Variants in MAP2K5 observed in about 807,000 individuals in gnomAD.
The protein encoded by MAP2K5 is dual specificity mitogen-activated protein kinase kinase 5.
Under a neutral mutation model 83.1 loss-of-function variants are expected in MAP2K5, and 49 were observed. That is an observed-to-expected ratio of 0.59 (90% CI 0.47 to 0.75). The LOEUF (loss-of-function observed/expected upper bound fraction) is 0.75. Ranked by LOEUF, MAP2K5 falls within the 30% of genes least tolerant of loss-of-function variation. The pLI is 0.00. For synonymous variants in MAP2K5, 202 were observed against 191.8 expected (o/e 1.05, Z -0.44); for missense variants, 457 against 557.5 (o/e 0.82, Z 1.82).
intron 17 of MAP2K5, among the ~76,000 whole-genome samples, chr15:67,728,684 C>CAA (rs754231716): frequency 6.6e-6 from 1 of 152,166 alleles, no homozygotes; most frequent in African/African-American, 2.4e-5. Flanking sequence ...CTGTACAGGC[C>CAA]AAAGTGCCTA....
chr15:67,655,525 T>C (rs564024984), intron 11 of MAP2K5, among the ~76,000 whole-genome samples: 3 of 5,152 alleles, frequency 5.8e-4, no homozygotes, highest in East Asian at 0.5. Context: ...TTTTCTTTCA[T>C]GTTCAAATGT....
intron 8 of MAP2K5, among the ~76,000 whole-genome samples, chr15:67,607,560 G>T (rs1414544201): frequency 6.6e-6 from 1 of 152,148 alleles, no homozygotes; most frequent in Admixed American, 6.5e-5. Flanking sequence ...GTCACAGGTC[G>T]CTGAGCAGAG....
chr15:67,590,577 C>T (rs1442375699), intron 6 of MAP2K5, among the ~76,000 whole-genome samples: 4 of 151,870 alleles, frequency 2.6e-5, no homozygotes, highest in African/African-American at 4.8e-5. Context: ...TCAAGTGACC[C>T]GAGTAGCTAG....
chr15:67,648,808 T>C (rs901281874), intron 11 of MAP2K5, among the ~76,000 whole-genome samples: 7 of 152,204 alleles, frequency 4.6e-5, no homozygotes, highest in African/African-American at 1.7e-4. Flanking sequence ...CTCGATCTCC[T>C]GACCTCGTGA....
At chr15:67,612,442 A>G (rs2085947132) in intron 8 of MAP2K5, among the ~76,000 whole-genome samples, 1 of 152,306 alleles carries the variant, frequency 6.6e-6, no homozygotes, top group South Asian at 2.1e-4. Context: ...TTTAAAGTCC[A>G]AATACTTTCC....
chr15:67,577,171 A>G lies in MAP2K5; in HGVS notation c.253-3583A>G, dbSNP rs1446972697. On this transcript the variant is annotated intron_variant, in intron 3 of 21. Coordinates refer to ENST00000178640, the MANE Select transcript of MAP2K5 (RefSeq NM_145160.3). This position sits in a 1 kb window ranked among gnomAD's most constrained non-coding sequence, Gnocchi z 4.1. ...GGGATGGTCTCGATCTCCTGACCTC[A>G]TGATCCACCCGCCTCGGCCTCCCAA... Among the ~76,000 whole-genome samples, 1 of 151,764 alleles carries G rather than the reference A, an allele frequency of 6.6e-6. No individual in the cohort carries two copies. The highest frequency in any genetic ancestry group is 1.5e-5 in the Non-Finnish European group (1 of 67,938).
chr15:67,604,767 C>T (rs1009587087), intron 8 of MAP2K5, among the ~76,000 whole-genome samples: 2 of 151,740 alleles, frequency 1.3e-5, no homozygotes, highest in Non-Finnish European at 2.9e-5. Context: ...TGGTGGTGGG[C>T]GCCTGTAGTC....
chr15:67,590,442 C>CTCTCTCTCTCTCTCTCTCTCTCTCT (rs2085377738), intron 6 of MAP2K5, among the ~76,000 whole-genome samples: 1 of 5,824 alleles, frequency 1.7e-4, no homozygotes, highest in African/African-American at 3.8e-4. Context: ...TCTCTCCCTC[C>CTCTCTCTCTCTCTCTCTCTCTCTCT]CTCCCTCTCT....
chr15:67,687,307 A>G (rs2087982652), intron 13 of MAP2K5, among the ~76,000 whole-genome samples: 1 of 152,174 alleles, frequency 6.6e-6, no homozygotes, highest in Non-Finnish European at 1.5e-5. Flanking sequence ...AAAAAGCTGT[A>G]TTTTTTAAAT....
At chr15:67,752,929 T>G (rs2089755262) in intron 19 of MAP2K5, among the ~76,000 whole-genome samples, 1 of 150,568 alleles carries the variant, frequency 6.6e-6, no homozygotes. Context: ...TGTTGCAAGA[T>G]TTATACTTTC....
At chr15:67,798,260 CA>C (rs982627109) in intron 21 of MAP2K5, among the ~76,000 whole-genome samples, 1 of 152,218 alleles carries the variant, frequency 6.6e-6, no homozygotes, top group Non-Finnish European at 1.5e-5. Context: ...CTGCGTGGCC[CA>C]AAACTGCCGG....
chr15:67,675,538 G>A (rs1036414474), intron 13 of MAP2K5, among the ~76,000 whole-genome samples: 7 of 152,148 alleles, frequency 4.6e-5, no homozygotes, highest in Non-Finnish European at 1.0e-4. Flanking sequence ...TCAATACCCT[G>A]GTTGTGATAC....
intron 13 of MAP2K5, among the ~76,000 whole-genome samples, chr15:67,684,526 G>T (rs1484122203): frequency 6.6e-6 from 1 of 152,096 alleles, no homozygotes; most frequent in Admixed American, 6.6e-5. Flanking sequence ...AACGACACAA[G>T]ATTCACAATG....
chr15:67,799,501 A>G (rs2090664417), intron 21 of MAP2K5, among the ~76,000 whole-genome samples: 1 of 152,262 alleles, frequency 6.6e-6, no homozygotes, highest in Non-Finnish European at 1.5e-5. Context: ...AGGAAGCTGC[A>G]GACAGCTGCC....
At chr15:67,688,221 G>A (rs1285776645) in intron 13 of MAP2K5, among the ~76,000 whole-genome samples, 5 of 152,224 alleles carry the variant, frequency 3.3e-5, no homozygotes, top group South Asian at 2.1e-4. Context: ...GAGTGGCAAG[G>A]TGAGAGTATG....
rs1014342384 is a variant in MAP2K5, at chr15:67,577,216, T to C, written c.253-3538T>C. Among the ~76,000 whole-genome samples the C allele has an allele frequency of 2.0e-5, 3 of 152,128 alleles. No homozygotes were observed. Among genetic ancestry groups the C allele is most frequent in the Non-Finnish European group, 4.4e-5 (3 of 68,018 alleles). On this transcript the variant is annotated intron_variant, in intron 3 of 21. Coordinates refer to ENST00000178640, the MANE Select transcript of MAP2K5 (RefSeq NM_145160.3). This position sits in a 1 kb window ranked among gnomAD's most constrained non-coding sequence, Gnocchi z 4.1. ...TCCCAAAGTGCTGGGATTACAGGCG[T>C]GAGCCACCGTGCCCGGCCAGTAACC...
chr15:67,577,700 G>T lies in MAP2K5; in HGVS notation c.253-3054G>T, dbSNP rs1596586550. On this transcript the variant is annotated intron_variant, in intron 3 of 21. Coordinates refer to ENST00000178640, the MANE Select transcript of MAP2K5 (RefSeq NM_145160.3). This position sits in a 1 kb window ranked among gnomAD's most constrained non-coding sequence, Gnocchi z 4.1. ...TATAGAAATGACACTAATAGATCCA[G>T]ATCTAAAAACAATTTGCTGGCCGTG... 6.6e-6 allele frequency among the ~76,000 whole-genome samples: 1 copy of T among 152,224 alleles called. No homozygotes were observed. Among genetic ancestry groups the T allele is most frequent in the East Asian group, 1.9e-4 (1 of 5,174 alleles).
intron 2 of MAP2K5, 75 bp downstream of exon 2, chr15:67,550,157 CTTTAGAAACTG>C: frequency 8.9e-7 from 1 of 1,118,904 alleles, no homozygotes; most frequent in Non-Finnish European, 1.4e-6. Context: ...GGTGGCATTA[CTTTAGAAACTG>C]ACAAAAACAG....
In MAP2K5 at chr15:67,769,874, CT is replaced by C; in HGVS notation, c.1196+216del. On this transcript the variant is annotated intron_variant, in intron 20 of 21. Transcript: ENST00000178640. The surrounding 1 kb of genome is among the most constrained non-coding windows in gnomAD (Gnocchi z 5.2). ...AAGGGTCATAAGCATACTTCAGAGC[CT>C]TTTTCCTGATTTAATAAACTGCTGA... 1.3e-5 allele frequency: 6 copies of C among 450,708 alleles called. No individual in the cohort carries two copies. Among genetic ancestry groups the C allele is most frequent in the Non-Finnish European group, 1.6e-5 (4 of 253,806 alleles). 27.9% of individuals were successfully genotyped at this position (450,708 alleles called of 1,614,324 possible).
Sources: gnomAD v4.1 joint callset for allele counts (sites outside exome capture counted in the v4.1 genomes callset) on GRCh38, gnomAD v4.1.1 for gene constraint, Gnocchi (gnomAD v3.1) non-coding constraint, MANE v1.5 for transcripts, NCBI Gene and HGNC (gene_info 2026-07-23, HGNC 2026-07-21) for gene names.